Variants in ALK observed in about 807,000 individuals in gnomAD.
ALK encodes the protein ALK tyrosine kinase receptor.
Under a neutral mutation model 163.1 loss-of-function variants are expected in ALK, and 74 were observed. That is an observed-to-expected ratio of 0.45 (90% CI 0.38 to 0.55). The LOEUF is 0.55. ALK is among the 20% of genes least tolerant of loss of function. ALK has a pLI of 0.00. For missense variants in ALK, 2,063 were observed against 2,105.3 expected, an observed-to-expected ratio of 0.98 and a Z score of 0.39; for synonymous variants, 960 against 843.2, an observed-to-expected ratio of 1.14 and a Z score of -2.40.
rs147183870 is a variant in ALK at position 29,865,082 on chromosome 2, T to A, written c.667+54911A>T. On this transcript the variant is annotated intron_variant, in intron 1 of 28. Transcript: ENST00000389048. ...AAAGCAGAACTCTGCTGCCAACAGT[T>A]AAATTAGCAGAGCTTATGGTTGGGG... Among the ~76,000 whole-genome samples the A allele has an allele frequency of 3.2e-3, 487 of 152,296 alleles. 1 individual carries two copies. The highest frequency in any genetic ancestry group is 0.011 in the African/African-American group (452 of 41,562).
rs759748510 is a variant in ALK, at chr2:29,920,565, G to C, written c.95C>G (p.Pro32Arg). Residue 32 changes from proline (P) to arginine (R), a missense_variant, in exon 1 of 29, where the codon CCA (proline) becomes CGA (arginine). By Grantham distance (103) the Pro-to-Arg change is moderately radical (BLOSUM62 -2). This residue lies in a region of ALK where 987 missense variants were observed against 939.5 expected (regional missense o/e 1.05). Coordinates refer to ENST00000389048, the MANE Select transcript of ALK (RefSeq NM_004304.5). ...GMGTGQRAGS[P>R]AAGPPLQPRE... ...GGGCTGCAGCGGCGGCCCCGCAGCT[G>C]GGGAGCCCGCGCGCTGGCCGGTCCC... The C allele has an allele frequency of 1.3e-6, 2 of 1,595,582 alleles. No homozygotes were observed. Among genetic ancestry groups the C allele is most frequent in the African/African-American group, 2.7e-5 (2 of 74,782 alleles).
At chr2:29,377,646 A>G (rs535565791) in intron 5 of ALK, among the ~76,000 whole-genome samples, 1 of 152,262 alleles carries the variant, frequency 6.6e-6, no homozygotes, top group East Asian at 1.9e-4. Context: ...GCTTCCATAT[A>G]AGACTTTGTT....
intron 4 of ALK, among the ~76,000 whole-genome samples, chr2:29,400,221 C>T (rs1036403212): frequency 3.9e-5 from 6 of 152,132 alleles, no homozygotes; most frequent in African/African-American, 1.4e-4. Flanking sequence ...CGCATATACT[C>T]CTGTCAGTCT....
At chr2:29,570,599 G>C (rs748274271) in intron 3 of ALK, among the ~76,000 whole-genome samples, 4 of 152,216 alleles carry the variant, frequency 2.6e-5, no homozygotes, top group Non-Finnish European at 5.9e-5. Flanking sequence ...CTGAGGCTGA[G>C]TCCTGGGAGA....
At chr2:29,513,068 T>C (rs1238098952) in intron 4 of ALK, among the ~76,000 whole-genome samples, 3 of 151,634 alleles carry the variant, frequency 2.0e-5, no homozygotes, top group Middle Eastern at 3.4e-3. Flanking sequence ...AAAATGGCCA[T>C]ACTGCCCAAG....
chr2:29,590,335 C>T (rs1241654028), intron 3 of ALK, among the ~76,000 whole-genome samples: 3 of 152,096 alleles, frequency 2.0e-5, no homozygotes, highest in East Asian at 1.9e-4. Flanking sequence ...CATGGTTCCG[C>T]GGCTTGTTTT....
intron 4 of ALK, among the ~76,000 whole-genome samples, chr2:29,458,513 T>A (rs1671012870): frequency 6.6e-6 from 1 of 152,176 alleles, no homozygotes; most frequent in Admixed American, 6.5e-5. Context: ...CCATGCCCTT[T>A]ATAGATACTG....
chr2:29,200,738 T>TAC (rs1021490492), intron 26 of ALK, among the ~76,000 whole-genome samples: 1 of 142,454 alleles, frequency 7.0e-6, no homozygotes, highest in African/African-American at 2.6e-5. Context: ...TGTATATATA[T>TAC]ACGTATATAT....
chr2:29,213,964 GCA>G lies in ALK; in HGVS notation c.3743+18_3743+19del. The stretch of plus-strand genomic sequence containing the variant: ...GATCAGCGACAGGATGACAGGAAGA[GCA>G]CAGTCACTTTGACTCACCGGTGGAT... On this transcript the variant is annotated intron_variant, in intron 24 of 28. Coordinates refer to ENST00000389048, the MANE Select transcript of ALK (RefSeq NM_004304.5). 1 of 1,597,802 alleles carries G rather than the reference GCA, an allele frequency of 6.3e-7. No individual in the cohort carries two copies. The highest frequency in any genetic ancestry group is 8.6e-7 in the Non-Finnish European group (1 of 1,165,226).
intron 3 of ALK, among the ~76,000 whole-genome samples, chr2:29,544,985 T>C (rs984590403): frequency 2.6e-5 from 4 of 152,200 alleles, no homozygotes; most frequent in Non-Finnish European, 4.4e-5. Flanking sequence ...TTCTGTCCAG[T>C]AGAACACTCA....
chr2:29,209,919 G>A (rs1669419502), intron 24 of ALK, 41 bp from the exon 25 acceptor site: 2 of 1,515,120 alleles, frequency 1.3e-6, no homozygotes, highest in Non-Finnish European at 1.8e-6. Flanking sequence ...TTATCCCTAG[G>A]AAGATGAGTG....
chr2:29,497,666 G>T (rs1182427752), intron 4 of ALK, among the ~76,000 whole-genome samples: 1 of 152,174 alleles, frequency 6.6e-6, no homozygotes. Flanking sequence ...CCTATCAAGA[G>T]GGCAAATCCC....
At chr2:29,876,611 T>TG (rs1666720823) in intron 1 of ALK, among the ~76,000 whole-genome samples, 1 of 151,568 alleles carries the variant, frequency 6.6e-6, no homozygotes, top group South Asian at 2.1e-4. Context: ...GTGATGGCAA[T>TG]AATGCTGATG....
In ALK at chr2:29,507,216, C is replaced by T. The variant is rs965936646; in HGVS notation, c.1154+24699G>A. Among the ~76,000 whole-genome samples the T allele has an allele frequency of 3.9e-5, 6 of 152,314 alleles. No individual in the cohort carries two copies. The East Asian group carries it at 9.6e-4, about 24-fold the overall frequency. ...CATTAAAAAAGGAAGAAAACTCTGA[C>T]ACACGTTACAATATGAATGAACCTT... On this transcript the variant is annotated intron_variant, in intron 4 of 28. Transcript: ENST00000389048.
rs781107100 is a variant in ALK, at chr2:29,227,611, G to A, written c.2877C>T (p.Ile959=). 1 of 1,614,144 alleles carries A rather than the reference G, an allele frequency of 6.2e-7. No individual in the cohort carries two copies. Among genetic ancestry groups the A allele is most frequent in the South Asian group, 1.1e-5 (1 of 91,082 alleles). ...GGGTGTACAGGATGCCCAGTGGACT[G>A]ATGAAGGAAACCCCATCTTCCCCAT... is the stretch of plus-strand genomic sequence containing the variant. ...EMDGEDGVSF[I]SPLGILYTPA... The change falls in exon 17 of 29, where the codon ATC becomes ATT. Residue 959 remains isoleucine (I), a synonymous_variant. Coordinates refer to ENST00000389048, the MANE Select transcript of ALK (RefSeq NM_004304.5). The surrounding 1 kb of genome is among the most constrained non-coding windows in gnomAD (Gnocchi z 4.4).
chr2:29,358,295 A>G (rs1668300379), intron 5 of ALK, among the ~76,000 whole-genome samples: 1 of 152,236 alleles, frequency 6.6e-6, no homozygotes, highest in Non-Finnish European at 1.5e-5. Context: ...TAGAAATTTA[A>G]ATCTCTGAAT....
At chr2:29,889,011 T>A (rs1392403421) in intron 1 of ALK, among the ~76,000 whole-genome samples, 2 of 152,176 alleles carry the variant, frequency 1.3e-5, no homozygotes, top group African/African-American at 2.4e-5. Flanking sequence ...TGTGACTGAA[T>A]CAACTGTGGG....
At chr2:29,607,997 T>G (rs2148219321) in intron 3 of ALK, among the ~76,000 whole-genome samples, 1 of 151,888 alleles carries the variant, frequency 6.6e-6, no homozygotes, top group Middle Eastern at 3.4e-3. Context: ...AGTTTAGGGG[T>G]ATGTGTGCAA....
chr2:29,831,013 G>GAAGAAGAAGAAGA (rs1558508441), intron 1 of ALK, among the ~76,000 whole-genome samples: 5 of 29,944 alleles, frequency 1.7e-4, no homozygotes, highest in African/African-American at 4.9e-4. Context: ...GAAGAAGAAG[G>GAAGAAGAAGAAGA]GGAAGAGGAA....
Sources: gnomAD v4.1 joint callset for allele counts (sites outside exome capture counted in the v4.1 genomes callset) on GRCh38, gnomAD v4.1.1 for gene constraint, gnomAD v4.1.1 regional missense constraint, Gnocchi (gnomAD v3.1) non-coding constraint, MANE v1.5 for transcripts, NCBI Gene and HGNC (gene_info 2026-07-23, HGNC 2026-07-21) for gene names.